The following SUCLG2 variants were observed in gnomAD, a reference collection of about 807,000 sequenced individuals.
The protein encoded by SUCLG2 is succinate--CoA ligase [GDP-forming] subunit beta, mitochondrial.
In SUCLG2, 42 loss-of-function variants were observed where a neutral mutation model predicts 47.9. The ratio of observed to expected loss-of-function variants is 0.88; its 90% CI spans 0.69 to 1.14. SUCLG2 has a LOEUF of 1.14. Ranked by LOEUF, SUCLG2 falls within the 50% of genes most tolerant of loss-of-function variation. The probability of loss-of-function intolerance (pLI) is 0.00; values close to 1 mark genes in which losing one functional copy is unlikely to be tolerated. For missense variants in SUCLG2, 571 were observed against 525.9 expected, an observed-to-expected ratio of 1.09 and a Z score of -0.84; for synonymous variants, 195 against 197.3, an observed-to-expected ratio of 0.99 and a Z score of 0.10.
intron 2 of SUCLG2, among the ~76,000 whole-genome samples, chr3:67,591,516 C>A (rs942485797): frequency 6.6e-6 from 1 of 152,150 alleles, no homozygotes; most frequent in Non-Finnish European, 1.5e-5. Context: ...CTTTCCCCTG[C>A]TATTCTCATT....
At chr3:67,598,564 C>A (rs1385403656) in intron 2 of SUCLG2, among the ~76,000 whole-genome samples, 1 of 152,126 alleles carries the variant, frequency 6.6e-6, no homozygotes, top group Non-Finnish European at 1.5e-5. Context: ...TACAGAAACA[C>A]CTATACTTTA....
chr3:67,460,778 A>C (rs1393101721), intron 9 of SUCLG2, among the ~76,000 whole-genome samples: 1 of 152,218 alleles, frequency 6.6e-6, no homozygotes, highest in African/African-American at 2.4e-5. Context: ...TCTGATAGTA[A>C]AAACAATACA....
chr3:67,465,522 T>C (rs1275463119), intron 9 of SUCLG2, among the ~76,000 whole-genome samples: 1 of 152,174 alleles, frequency 6.6e-6, no homozygotes, highest in Non-Finnish European at 1.5e-5. Context: ...GTCTCACTGC[T>C]AAGGTCCTGA....
At chr3:67,471,572 G>A (rs752362553) in intron 9 of SUCLG2, among the ~76,000 whole-genome samples, 10 of 152,164 alleles carry the variant, frequency 6.6e-5, no homozygotes, top group Admixed American at 2.6e-4. Flanking sequence ...CTCCAGAAAC[G>A]GCTAAAACTG....
chr3:67,406,631 A>G (rs772868433), intron 9 of SUCLG2, among the ~76,000 whole-genome samples: 2 of 152,036 alleles, frequency 1.3e-5, no homozygotes, highest in Non-Finnish European at 2.9e-5. Context: ...TGAGAAACTG[A>G]ACAGAATCTG....
At chr3:67,365,168 T>A (rs981898143) in intron 10 of SUCLG2, among the ~76,000 whole-genome samples, 1 of 152,160 alleles carries the variant, frequency 6.6e-6, no homozygotes, top group Non-Finnish European at 1.5e-5. Flanking sequence ...TGTGGGATTA[T>A]AACAGAAGAG....
intron 10 of SUCLG2, among the ~76,000 whole-genome samples, chr3:67,400,183 C>T (rs935940064): frequency 4.6e-5 from 7 of 151,892 alleles, no homozygotes; most frequent in Admixed American, 6.6e-5. Flanking sequence ...ACCTGTAAAA[C>T]AATGTCATTA....
intron 7 of SUCLG2, among the ~76,000 whole-genome samples, chr3:67,505,968 A>AAAAAAGAAAAAG (rs563321633): frequency 1.3e-5 from 2 of 151,854 alleles, no homozygotes; most frequent in African/African-American, 4.9e-5. Flanking sequence ...TCTCAAAAAT[A>AAAAAAGAAAAAG]AAAAAGAAAA....
chr3:67,553,332 A>T (rs1257135915), intron 2 of SUCLG2, among the ~76,000 whole-genome samples: 1 of 152,234 alleles, frequency 6.6e-6, no homozygotes, highest in Non-Finnish European at 1.5e-5. Flanking sequence ...CAAAGGGTCC[A>T]CTTGTGGTCT....
At chr3:67,457,765 G>A (rs936189057) in intron 9 of SUCLG2, among the ~76,000 whole-genome samples, 1 of 129,676 alleles carries the variant, frequency 7.7e-6, no homozygotes, top group South Asian at 2.5e-4. Flanking sequence ...TACTGCAAGA[G>A]AGCAATAACA....
chr3:67,418,419 G>A (rs77821433), intron 9 of SUCLG2, among the ~76,000 whole-genome samples: 4 of 152,232 alleles, frequency 2.6e-5, no homozygotes, highest in African/African-American at 9.6e-5. Context: ...GCCAAGATCA[G>A]CAGCTAATTA....
At chr3:67,634,545 G>C (rs1700977500) in intron 1 of SUCLG2, among the ~76,000 whole-genome samples, 1 of 151,922 alleles carries the variant, frequency 6.6e-6, no homozygotes, top group African/African-American at 2.4e-5. Context: ...TTAATAATTT[G>C]CTCCTCAATA....
At chr3:67,599,457 C>G (rs969832517) in intron 2 of SUCLG2, among the ~76,000 whole-genome samples, 2 of 152,154 alleles carry the variant, frequency 1.3e-5, no homozygotes, top group African/African-American at 4.8e-5. Flanking sequence ...GTAAGAAATT[C>G]TGAGCAAGAG....
chr3:67,566,065 T>G (rs915915463), intron 2 of SUCLG2, among the ~76,000 whole-genome samples: 2 of 152,134 alleles, frequency 1.3e-5, no homozygotes, highest in Non-Finnish European at 2.9e-5. Context: ...GGTGGAAGGA[T>G]TCACACACCT....
chr3:67,646,094 G>C (rs1426176843), intron 1 of SUCLG2, among the ~76,000 whole-genome samples: 2 of 145,744 alleles, frequency 1.4e-5, no homozygotes, highest in African/African-American at 5.0e-5. Flanking sequence ...GGGAGGGCAG[G>C]GGAGGGGAGG....
At chr3:67,367,952 T>C (rs1182503275) in intron 10 of SUCLG2, among the ~76,000 whole-genome samples, 2 of 152,210 alleles carry the variant, frequency 1.3e-5, no homozygotes, top group Admixed American at 6.5e-5. Context: ...GCATATATTA[T>C]GAACATTCTT....
At chr3:67,578,933 C>G (rs1327011654) in intron 2 of SUCLG2, among the ~76,000 whole-genome samples, 1 of 152,170 alleles carries the variant, frequency 6.6e-6, no homozygotes, top group East Asian at 1.9e-4. Context: ...TGACCTGGCA[C>G]CAGTGTTGCC....
intron 9 of SUCLG2, among the ~76,000 whole-genome samples, chr3:67,443,949 G>A (rs1240424501): frequency 1.2e-4 from 13 of 107,738 alleles, no homozygotes; most frequent in Admixed American, 2.8e-4. Context: ...CACCCCGTCC[G>A]GGAGGGAGGT....
At chr3:67,558,115 T>C (rs1416099376) in intron 2 of SUCLG2, among the ~76,000 whole-genome samples, 2 of 152,210 alleles carry the variant, frequency 1.3e-5, no homozygotes, top group Non-Finnish European at 2.9e-5. Context: ...TATGAGTTTA[T>C]AGTTACTTAT....
Sources: gnomAD v4.1 joint callset for allele counts (sites outside exome capture counted in the v4.1 genomes callset) on GRCh38, gnomAD v4.1.1 for gene constraint, MANE v1.5 for transcripts, NCBI Gene and HGNC (gene_info 2026-07-23, HGNC 2026-07-21) for gene names.